Variants in PARP11 observed in about 807,000 individuals in gnomAD.
PARP11 encodes protein mono-ADP-ribosyltransferase PARP11.
PARP11 carries 31 observed loss-of-function variants against 42.9 expected under a neutral mutation model. The ratio of observed to expected loss-of-function variants is 0.72; its 90% CI spans 0.54 to 0.98. The LOEUF (loss-of-function observed/expected upper bound fraction) is 0.98, where lower values mean the gene tolerates loss of function less well. PARP11 is among the 50% of genes least tolerant of loss of function. The pLI, the probability that PARP11 is intolerant of heterozygous loss-of-function variation, is 0.00. For missense variants in PARP11, 365 were observed against 413.1 expected, an observed-to-expected ratio of 0.88 and a Z score of 1.01; for synonymous variants, 137 against 127.3, an observed-to-expected ratio of 1.08 and a Z score of -0.51.
intron 1 of PARP11, among the ~76,000 whole-genome samples, chr12:3,862,615 T>C (rs1327193499): frequency 6.7e-6 from 1 of 149,900 alleles, no homozygotes; most frequent in Admixed American, 6.7e-5. Flanking sequence ...ATATATATAA[T>C]TTTTATAGTA....
At position 3,810,080 on chromosome 12, in the gene PARP11, G is replaced by A. The variant is rs142272418; in HGVS notation, c.*2043C>T. The A allele has an allele frequency of 1.4e-4, 22 of 152,260 alleles. No homozygotes were observed. The highest frequency in any genetic ancestry group is 7.8e-4 in the Admixed American group (12 of 15,288). The allele number at this position is 152,260 out of a possible 1,614,324, so 9.4% of individuals were successfully genotyped here. Reference sequence around the variant, plus strand: ...TATCCCTAATCTGTCTGCACTCTTTGCTTTTATTATTTGTAGATCCCTTTC... The same window carrying A: ...TATCCCTAATCTGTCTGCACTCTTTACTTTTATTATTTGTAGATCCCTTTC... On this transcript the variant is annotated 3_prime_UTR_variant, in exon 8 of 8. Transcript: ENST00000228820.
intron 1 of PARP11, among the ~76,000 whole-genome samples, chr12:3,830,939 T>C (rs1591771492): frequency 6.6e-6 from 1 of 152,202 alleles, no homozygotes; most frequent in Admixed American, 6.5e-5. Context: ...ATATGCATTA[T>C]CTTTGAAAAG....
intron 3 of PARP11, among the ~76,000 whole-genome samples, chr12:3,827,950 A>G (rs1947561086): frequency 6.6e-6 from 1 of 152,226 alleles, no homozygotes; most frequent in Non-Finnish European, 1.5e-5. Context: ...TTTGCCTCTA[A>G]GCAATAAATA....
chr12:3,873,082 G>A (rs1159523606), intron 1 of PARP11, 130 bp downstream of exon 1: 4 of 903,324 alleles, frequency 4.4e-6, no homozygotes, highest in Non-Finnish European at 7.2e-6. Flanking sequence ...CAAAAGGCCC[G>A]GGAACTCCGG....
intron 1 of PARP11, among the ~76,000 whole-genome samples, chr12:3,834,831 C>T (rs556811717): frequency 1.5e-4 from 23 of 152,062 alleles, no homozygotes; most frequent in Admixed American, 5.2e-4. Flanking sequence ...AGGCTGTGTA[C>T]ACCCAGGAAT....
intron 3 of PARP11, among the ~76,000 whole-genome samples, chr12:3,828,330 G>C (rs1175128111): frequency 6.6e-6 from 1 of 152,076 alleles, no homozygotes; most frequent in South Asian, 2.1e-4. Context: ...GGGTGGATCA[G>C]GAGGTCAGGA....
At chr12:3,838,820 T>C (rs960594332) in intron 1 of PARP11, among the ~76,000 whole-genome samples, 1 of 152,182 alleles carries the variant, frequency 6.6e-6, no homozygotes, top group African/African-American at 2.4e-5. Context: ...TCTTTCTTTT[T>C]TGGTTTCCTC....
In PARP11 at chr12:3,861,680, GT is replaced by G. The variant is rs1174813124; in HGVS notation, c.18+11531del. ...GAAGTTTTTAATTTTGATAAAGTCT[GT>G]TTTATCACTTTTTTTTTTCATCGAT... On this transcript the variant is annotated intron_variant, in intron 1 of 7. Transcript: ENST00000228820. The surrounding 1 kb of genome is among the most constrained non-coding windows in gnomAD (Gnocchi z 4.6). 6.6e-6 allele frequency among the ~76,000 whole-genome samples: 1 copy of G among 151,742 alleles called. No homozygotes were observed. Among genetic ancestry groups the G allele is most frequent in the Non-Finnish European group, 1.5e-5 (1 of 67,948 alleles).
At chr12:3,854,720 ATTCC>A (rs1490498474) in intron 1 of PARP11, among the ~76,000 whole-genome samples, 1 of 152,216 alleles carries the variant, frequency 6.6e-6, no homozygotes, top group African/African-American at 2.4e-5. Flanking sequence ...AGCTGGTACC[ATTCC>A]TTCTGAAACT....
intron 1 of PARP11, among the ~76,000 whole-genome samples, chr12:3,854,900 C>T (rs892820364): frequency 1.3e-5 from 2 of 152,118 alleles, no homozygotes; most frequent in Non-Finnish European, 2.9e-5. Flanking sequence ...ACTGGCAAAC[C>T]GAATCCAGTA....
intron 1 of PARP11, chr12:3,842,414 G>A (rs200502114): frequency 1.4e-5 from 23 of 1,609,128 alleles, no homozygotes; most frequent in East Asian, 6.7e-5. Flanking sequence ...AGCAGAAGTC[G>A]GGATGAAGGT....
chr12:3,840,743 T>A lies in PARP11; in HGVS notation c.19-10725A>T, dbSNP rs1332945193. On this transcript the variant is annotated intron_variant, in intron 1 of 7. Transcript: ENST00000228820. This position sits in a 1 kb window ranked among gnomAD's most constrained non-coding sequence, Gnocchi z 4.4. ...CAAAGACTCTATTCATGGACATAGT[T>A]GGATAAAAGACCCGAACCAAGCATA... The A allele has an allele frequency of 2.8e-5, 37 of 1,345,032 alleles. No homozygotes were observed. The highest frequency in any genetic ancestry group is 3.6e-5 in the Non-Finnish European group (34 of 934,480). 83.3% of individuals were successfully genotyped at this position (1,345,032 alleles called of 1,614,324 possible).
At chr12:3,822,211 C>T in intron 4 of PARP11, 54 bp from the exon 5 acceptor site, 2 of 1,350,628 alleles carry the variant, frequency 1.5e-6, no homozygotes, top group Non-Finnish European at 2.1e-6. Context: ...CAATTACTGT[C>T]AAGAACTTAG....
Position 3,814,232 on chromosome 12 carries a change from A to G in PARP11, c.549-44T>C, listed in dbSNP as rs1035277609. Reference sequence around the variant, plus strand: ...CAGACACAAAAGCACACAGAAATATACCATAAGTAGCATTTATTAATCTTA... The same window carrying G: ...CAGACACAAAAGCACACAGAAATATGCCATAAGTAGCATTTATTAATCTTA... On this transcript the variant is annotated intron_variant, in intron 6 of 7. Coordinates refer to ENST00000228820, the MANE Select transcript of PARP11 (RefSeq NM_020367.6). 4.8e-6 allele frequency: 7 copies of G among 1,451,060 alleles called. No homozygotes were observed. In the Admixed American group the frequency reaches 6.4e-5, roughly 13 times the overall value. The allele number at this position is 1,451,060 out of a possible 1,614,324, so 89.9% of individuals were successfully genotyped here. A position where few individuals can be genotyped will look rare whatever the true frequency, so the allele number is the denominator to read the frequency against.
chr12:3,835,909 T>A (rs1947751413), intron 1 of PARP11, among the ~76,000 whole-genome samples: 2 of 151,972 alleles, frequency 1.3e-5, no homozygotes, highest in Non-Finnish European at 2.9e-5. Flanking sequence ...GGGATACCAT[T>A]AAGTGCACCA....
At chr12:3,824,783 A>C (rs1378826216) in intron 4 of PARP11, 1 of 168,958 alleles carries the variant, frequency 5.9e-6, no homozygotes, top group East Asian at 1.9e-4. Context: ...ATTATGTCTC[A>C]TTTTTCATTT....
chr12:3,821,461 T>A (rs895573762), intron 6 of PARP11, among the ~76,000 whole-genome samples: 4 of 152,212 alleles, frequency 2.6e-5, no homozygotes, highest in African/African-American at 9.6e-5. Flanking sequence ...AATTTGAAGG[T>A]ATGTTTTAAA....
At chr12:3,869,421 A>G (rs1406926874) in intron 1 of PARP11, among the ~76,000 whole-genome samples, 37 of 152,206 alleles carry the variant, frequency 2.4e-4, no homozygotes, top group Admixed American at 2.4e-3. Context: ...AAAGTTCAAA[A>G]TCCTAAACAT....
At chr12:3,868,061 C>T (rs1948420529) in intron 1 of PARP11, among the ~76,000 whole-genome samples, 1 of 152,152 alleles carries the variant, frequency 6.6e-6, no homozygotes, top group African/African-American at 2.4e-5. Flanking sequence ...TGTGGTCTAA[C>T]CTACATCTCA....
Sources: gnomAD v4.1 joint callset for allele counts (sites outside exome capture counted in the v4.1 genomes callset) on GRCh38, gnomAD v4.1.1 for gene constraint, Gnocchi (gnomAD v3.1) non-coding constraint, MANE v1.5 for transcripts, NCBI Gene and HGNC (gene_info 2026-07-23, HGNC 2026-07-21) for gene names.